FGD5: variants seen among roughly 807,000 people sequenced by gnomAD.
FGD5 encodes FYVE, RhoGEF and PH domain containing 5, also known as FYVE, RhoGEF and PH domain-containing protein 5.
FGD5 carries 28 observed loss-of-function variants against 133.4 expected under a neutral mutation model. The ratio of observed to expected loss-of-function variants is 0.21; its 90% CI spans 0.16 to 0.29. The LOEUF is 0.29. FGD5 is among the 10% of genes least tolerant of loss of function. The pLI is 1.00. For synonymous variants in FGD5, 810 were observed against 776.5 expected (o/e 1.04, Z -0.72); for missense variants, 1,858 against 1,895.2 (o/e 0.98, Z 0.36).
chr3:14,911,105 C>G (rs2038441100), intron 11 of FGD5, among the ~76,000 whole-genome samples, 176 bp downstream of exon 11: 1 of 152,152 alleles, frequency 6.6e-6, no homozygotes, highest in African/African-American at 2.4e-5. Context: ...CCACGCCCAC[C>G]ACTCATTTGT....
chr3:14,925,118 A>C (rs906206538), intron 17 of FGD5, among the ~76,000 whole-genome samples: 5 of 151,142 alleles, frequency 3.3e-5, no homozygotes, highest in Admixed American at 6.6e-5. Context: ...AAAAAAAAAA[A>C]AAAAAAAAAA....
At position 14,922,773 on chromosome 3, in the gene FGD5, GA is replaced by G. The variant is rs1413420510; in HGVS notation, c.3807+229del. ...CTTCCACACCACCACGTTTTCAACA[GA>G]AAACCGTAGCATACGTGGCTATTGT... On this transcript the variant is annotated intron_variant, in intron 15 of 19. Transcript: ENST00000285046. This position sits in a 1 kb window ranked among gnomAD's most constrained non-coding sequence, Gnocchi z 4.1. Among the ~76,000 whole-genome samples, 2 of 152,206 alleles carry G rather than the reference GA, an allele frequency of 1.3e-5. No individual in the cohort carries two copies.
intron 1 of FGD5, among the ~76,000 whole-genome samples, chr3:14,841,195 G>A (rs914229917): frequency 5.9e-5 from 9 of 152,220 alleles, no homozygotes; most frequent in African/African-American, 2.2e-4. Context: ...AAAGTGCTCT[G>A]CAGAGGGGCT....
intron 1 of FGD5, among the ~76,000 whole-genome samples, chr3:14,812,325 G>A (rs1215767653): frequency 1.3e-5 from 2 of 152,206 alleles, no homozygotes; most frequent in Non-Finnish European, 2.9e-5. Flanking sequence ...GTTGCCTCCT[G>A]CCTGTGCTGG....
rs374965826 is a variant in FGD5, at chr3:14,859,890, C to A, written c.2526-4238C>A. ...ATTACAACTCGAACCACTCCCCCCCCAAAAAGGGAAAGAAACTTAGAAAAT... is the reference window on the plus strand; with the variant it reads ...ATTACAACTCGAACCACTCCCCCCCAAAAAAGGGAAAGAAACTTAGAAAAT... On this transcript the variant is annotated intron_variant, in intron 1 of 19. Transcript: ENST00000285046. Among the ~76,000 whole-genome samples the A allele has an allele frequency of 6.7e-5, 10 of 148,398 alleles. 1 individual carries two copies. Among genetic ancestry groups the A allele is most frequent in the South Asian group, 2.2e-4 (1 of 4,644 alleles).
intron 1 of FGD5, among the ~76,000 whole-genome samples, chr3:14,835,327 A>G (rs2036795799): frequency 6.6e-6 from 1 of 152,134 alleles, no homozygotes; most frequent in Admixed American, 6.5e-5. Context: ...GTGATGCCCC[A>G]TCTCTGCTAA....
intron 2 of FGD5, among the ~76,000 whole-genome samples, chr3:14,873,656 T>A (rs1032483271): frequency 6.6e-6 from 1 of 151,970 alleles, no homozygotes; most frequent in Non-Finnish European, 1.5e-5. Context: ...GTGAGAGAGC[T>A]GAAAGGAGCA....
chr3:14,899,104 T>C (rs1687335), intron 7 of FGD5, among the ~76,000 whole-genome samples: 128,097 of 152,078 alleles, frequency 0.84, 54,156 homozygotes, highest in East Asian at 0.98. Context: ...CTGCCTCAGC[T>C]GGCCATCTCC....
At chr3:14,826,613 A>G (rs1158575115) in intron 1 of FGD5, among the ~76,000 whole-genome samples, 1 of 152,240 alleles carries the variant, frequency 6.6e-6, no homozygotes, top group Non-Finnish European at 1.5e-5. Flanking sequence ...AATACGGTAC[A>G]TGGTAAAATG....
At chr3:14,899,937 G>T (rs1409506549) in intron 7 of FGD5, among the ~76,000 whole-genome samples, 1 of 152,218 alleles carries the variant, frequency 6.6e-6, no homozygotes, top group Non-Finnish European at 1.5e-5. Context: ...CCCTGGGGTA[G>T]GACCAAGCTT....
At chr3:14,928,335 GT>G (rs1196468701) in intron 18 of FGD5, among the ~76,000 whole-genome samples, 1 of 152,114 alleles carries the variant, frequency 6.6e-6, no homozygotes, top group Non-Finnish European at 1.5e-5. Context: ...GCCTCCCAAA[GT>G]GTTGGGATTA....
chr3:14,901,032 G>A lies in FGD5; in HGVS notation c.3235G>A (p.Asp1079Asn). Residue 1079 changes from aspartate (D) to asparagine (N), a missense_variant, in exon 9 of 20, where the codon GAC becomes AAC. Transcript: ENST00000285046. The stretch of plus-strand genomic sequence containing the variant: ...ACTGAGCCTCATCTCCAAAGTCACA[G>A]ACCGTGCCAACGACAGCATGGAGCA... ...GALSLISKVT[D>N]RANDSMEQGE... is the part of the protein sequence containing the mutation. The A allele has an allele frequency of 6.2e-7, 1 of 1,614,030 alleles. No individual in the cohort carries two copies.
intron 15 of FGD5, 36 bp from the exon 16 acceptor site, chr3:14,923,010 T>G (rs1202617996): frequency 6.2e-7 from 1 of 1,613,038 alleles, no homozygotes; most frequent in Non-Finnish European, 8.5e-7. Flanking sequence ...TTGCATGCAC[T>G]GAGAGGGGTG....
rs537125427 is a variant in FGD5, at chr3:14,923,146, G to A, written c.3908G>A (p.Arg1303Gln). The A allele has an allele frequency of 3.0e-5, 48 of 1,613,548 alleles. No homozygotes were observed. The East Asian group carries it at 4.0e-4, about 13-fold the overall frequency. ...CDGCFGELKK[R>Q]GRAVPGLMRE... Reference sequence around the variant, plus strand: ...GGCTGCTTCGGGGAGCTGAAGAAGCGGGGCAGGGCTGTCCCGGGCCTGATG... The same window carrying A: ...GGCTGCTTCGGGGAGCTGAAGAAGCAGGGCAGGGCTGTCCCGGGCCTGATG... The change falls in exon 16 of 20, where the codon CGG (arginine) becomes CAG (glutamine). Residue 1303 changes from arginine (R) to glutamine (Q), a missense_variant. Arg to Gln is a conservative substitution (Grantham distance 43, BLOSUM62 1). Coordinates refer to ENST00000285046, the MANE Select transcript of FGD5 (RefSeq NM_152536.4).
chr3:14,836,668 G>T (rs1204924509), intron 1 of FGD5, among the ~76,000 whole-genome samples: 1 of 152,190 alleles, frequency 6.6e-6, no homozygotes, highest in Non-Finnish European at 1.5e-5. Context: ...GCCAAGAGGG[G>T]AAGAGAGAAG....
At chr3:14,862,701 G>A (rs2037421852) in intron 1 of FGD5, among the ~76,000 whole-genome samples, 1 of 152,212 alleles carries the variant, frequency 6.6e-6, no homozygotes, top group African/African-American at 2.4e-5. Flanking sequence ...TAGCCTGTTG[G>A]CTAGTAGGTT....
At chr3:14,880,551 T>C in intron 2 of FGD5, 21 bp from the exon 3 acceptor site, 1 of 1,612,538 alleles carries the variant, frequency 6.2e-7, no homozygotes, top group Non-Finnish European at 8.5e-7. Flanking sequence ...TCCCACCTGA[T>C]TGCTCTCTTT....
At chr3:14,874,415 G>T (rs574454185) in intron 2 of FGD5, among the ~76,000 whole-genome samples, 2 of 152,276 alleles carry the variant, frequency 1.3e-5, no homozygotes, top group East Asian at 3.9e-4. Context: ...CAGCTACTCA[G>T]GAGGCTGAGG....
chr3:14,879,339 C>T (rs941022580), intron 2 of FGD5, among the ~76,000 whole-genome samples: 3 of 152,254 alleles, frequency 2.0e-5, no homozygotes, highest in African/African-American at 4.8e-5. Context: ...GTCTTTGCAT[C>T]TCTGGATCCC....
Sources: allele counts gnomAD v4.1 joint callset (sites outside exome capture counted in the v4.1 genomes callset), GRCh38; gene constraint gnomAD v4.1.1; non-coding constraint Gnocchi (gnomAD v3.1); transcripts MANE v1.5; gene names NCBI Gene and HGNC (gene_info 2026-07-23, HGNC 2026-07-21).